The following CYB561A3 variants were observed in gnomAD, a reference collection of about 807,000 sequenced individuals.
CYB561A3 encodes lysosomal membrane ascorbate-dependent ferrireductase CYB561A3.
In CYB561A3, 16 loss-of-function variants were observed where a neutral mutation model predicts 25.3. The observed-to-expected ratio is 0.63, with a 90% confidence interval of 0.43 to 0.96. The LOEUF (loss-of-function observed/expected upper bound fraction) is 0.96, where lower values mean the gene tolerates loss of function less well. CYB561A3 is among the 40% of genes least tolerant of loss of function. The pLI is 0.00. For missense variants in CYB561A3, 219 were observed against 307.5 expected (o/e 0.71, Z 2.15); for synonymous variants, 131 against 129.9 (o/e 1.01, Z -0.06).
At chr11:61,361,081 G>A (rs796431291) in intron 1 of CYB561A3, 1 of 152,304 alleles carries the variant, frequency 6.6e-6, no homozygotes, top group East Asian at 1.9e-4. Context: ...TAGAAAATCA[G>A]TTTGTTGCTC....
intron 4 of CYB561A3, 66 bp downstream of exon 4, chr11:61,353,718 C>T (rs1424389740): frequency 1.3e-6 from 2 of 1,526,248 alleles, no homozygotes; most frequent in East Asian, 4.5e-5. Context: ...GGTGCTCATG[C>T]AAGTGAACCC....
intron 6 of CYB561A3, chr11:61,350,649 ACTAGCCC>A (rs1857357297): frequency 8.2e-6 from 5 of 611,294 alleles, no homozygotes; most frequent in Non-Finnish European, 1.1e-5. Context: ...ATCCCACTAG[ACTAGCCC>A]CCAGGCTGGT....
chr11:61,356,878 C>T (rs1374443401), intron 2 of CYB561A3, 150 bp from the exon 3 acceptor site: 5 of 1,449,612 alleles, frequency 3.4e-6, no homozygotes, highest in Non-Finnish European at 4.5e-6. Flanking sequence ...ACCCCCCGCC[C>T]GAGGCCTCAA....
rs977762496 is a variant in CYB561A3 at position 61,353,335 on chromosome 11, A to G, written c.394-196T>C. 16 of 701,238 alleles carry G rather than the reference A, an allele frequency of 2.3e-5. No individual in the cohort carries two copies. In the African/African-American group the frequency reaches 2.5e-4, roughly 11 times the overall value. 43.4% of individuals were successfully genotyped at this position (701,238 alleles called of 1,614,324 possible). Reference sequence around the variant, plus strand: ...CCAAGCAACAAGAACAGTAAATGACATGCTTAGCTACCATCCCACTCCCAG... The same window carrying G: ...CCAAGCAACAAGAACAGTAAATGACGTGCTTAGCTACCATCCCACTCCCAG... On this transcript the variant is annotated intron_variant, in intron 4 of 6. Transcript: ENST00000294072.
Position 61,361,728 on chromosome 11 carries a change from C to G in CYB561A3, c.-112+5G>C, listed in dbSNP as rs1184535917. ...CTGAACTCCCAGCCCCGGGATCCTT[C>G]TCACCCCTAACCACAGTGGGACGAA... On this transcript the variant is annotated splice_donor_5th_base_variant and intron_variant, in intron 1 of 6. Coordinates refer to ENST00000294072, the MANE Select transcript of CYB561A3 (RefSeq NM_153611.6). The G allele has an allele frequency of 6.6e-6, 1 of 152,376 alleles. No homozygotes were observed. The highest frequency in any genetic ancestry group is 1.5e-5 in the Non-Finnish European group (1 of 68,146). The allele number at this position is 152,376 out of a possible 1,614,324, so 9.4% of individuals were successfully genotyped here.
At chr11:61,357,252 T>G in intron 2 of CYB561A3, 3 of 1,550,908 alleles carry the variant, frequency 1.9e-6, no homozygotes, top group Non-Finnish European at 2.6e-6. Context: ...GTAAGCTCTA[T>G]GGGGCTAATC....
chr11:61,356,444 T>A, intron 3 of CYB561A3, 86 bp downstream of exon 3: 9 of 975,798 alleles, frequency 9.2e-6, no homozygotes, highest in African/African-American at 2.0e-5. Context: ...AAGCCCAACA[T>A]TTACAAAGGC....
intron 1 of CYB561A3, chr11:61,359,455 G>A (rs550187496): frequency 1.3e-5 from 2 of 152,050 alleles, no homozygotes; most frequent in Non-Finnish European, 2.9e-5. Flanking sequence ...TCAGTGAAAT[G>A]TAAGAGATCT....
Position 61,357,085 on chromosome 11 carries a change from C to G in CYB561A3, c.-15-357G>C, listed in dbSNP as rs913119174. On this transcript the variant is annotated intron_variant, in intron 2 of 6. Coordinates refer to ENST00000294072, the MANE Select transcript of CYB561A3 (RefSeq NM_153611.6). ...TAAAGAATTACCACCCCATACCCCC[C>G]AGGAAAAAAGGGACAGGAATCAAAA... 30 of 1,444,118 alleles carry G rather than the reference C, an allele frequency of 2.1e-5. No individual in the cohort carries two copies. In the Admixed American group the frequency reaches 2.2e-4, roughly 10 times the overall value. 89.5% of individuals were successfully genotyped at this position (1,444,118 alleles called of 1,614,324 possible).
chr11:61,353,735 A>G (rs771439257), intron 4 of CYB561A3, 49 bp downstream of exon 4: 8 of 1,595,856 alleles, frequency 5.0e-6, no homozygotes, highest in Non-Finnish European at 6.0e-6. Context: ...ACCCCCAACC[A>G]GAGCTCATGG....
Position 61,349,965 on chromosome 11 carries a change from T to G in CYB561A3, c.*434A>C. 2.2e-6 allele frequency: 1 copy of G among 464,988 alleles called. No homozygotes were observed. The highest frequency in any genetic ancestry group is 3.9e-6 in the Non-Finnish European group (1 of 253,222). The allele number at this position is 464,988 out of a possible 1,614,324, so 28.8% of individuals were successfully genotyped here. On this transcript the variant is annotated 3_prime_UTR_variant, in exon 7 of 7. Coordinates refer to ENST00000294072, the MANE Select transcript of CYB561A3 (RefSeq NM_153611.6). ...CAGCTCTTCACCACATCCCTAGGAG[T>G]CTTAAGAGGAAATCAGTCTGATTTC...
intron 1 of CYB561A3, chr11:61,360,582 T>C (rs1220445583): frequency 6.6e-6 from 1 of 152,208 alleles, no homozygotes; most frequent in Non-Finnish European, 1.5e-5. Flanking sequence ...TCACAAGATA[T>C]TATTAACTTC....
chr11:61,355,827 A>C (rs1052798915), intron 3 of CYB561A3, among the ~76,000 whole-genome samples: 2 of 151,964 alleles, frequency 1.3e-5, no homozygotes, highest in Non-Finnish European at 2.9e-5. Context: ...TGATGGCTCA[A>C]GCCTGTAATC....
intron 4 of CYB561A3, 140 bp from the exon 5 acceptor site, chr11:61,353,279 C>T (rs910892026): frequency 1.8e-6 from 2 of 1,099,302 alleles, no homozygotes; most frequent in Non-Finnish European, 2.5e-6. Context: ...TTGCCCACTA[C>T]CGTGCTAGCT....
chr11:61,356,830 TC>T, intron 2 of CYB561A3, 102 bp from the exon 3 acceptor site: 1 of 1,497,300 alleles, frequency 6.7e-7, no homozygotes, highest in African/African-American at 1.4e-5. Flanking sequence ...TGGGATGGAA[TC>T]TTTTTGCTTC....
chr11:61,353,173 C>A lies in CYB561A3; in HGVS notation c.394-34G>T, dbSNP rs1005308822. On this transcript the variant is annotated intron_variant, in intron 4 of 6. Coordinates refer to ENST00000294072, the MANE Select transcript of CYB561A3 (RefSeq NM_153611.6). ...AAAAGGGAGGACACACCCGACTGTG[C>A]TATGTGTGACCAAAGCACATCCCAC... is the stretch of plus-strand genomic sequence containing the variant. 10 of 1,559,246 alleles carry A rather than the reference C, an allele frequency of 6.4e-6. No homozygotes were observed. In the African/African-American group the frequency reaches 1.4e-4, roughly 21 times the overall value.
chr11:61,360,564 T>A (rs538207122), intron 1 of CYB561A3: 2 of 152,334 alleles, frequency 1.3e-5, no homozygotes, highest in Admixed American at 6.5e-5. Context: ...TTTCACATAA[T>A]TTTCACGTCA....
At chr11:61,358,980 T>G (rs1198549434) in intron 1 of CYB561A3, 1 of 151,884 alleles carries the variant, frequency 6.6e-6, no homozygotes, top group East Asian at 1.9e-4. Flanking sequence ...TCCCAGCACT[T>G]TGGGAGGCCG....
At chr11:61,355,839 C>T (rs1358791833) in intron 3 of CYB561A3, among the ~76,000 whole-genome samples, 1 of 152,078 alleles carries the variant, frequency 6.6e-6, no homozygotes, top group Non-Finnish European at 1.5e-5. Context: ...CCTGTAATCC[C>T]AGCACTTCAG....
Sources: allele counts gnomAD v4.1 joint callset (sites outside exome capture counted in the v4.1 genomes callset), GRCh38; gene constraint gnomAD v4.1.1; transcripts MANE v1.5; gene names NCBI Gene and HGNC (gene_info 2026-07-23, HGNC 2026-07-21).